Variants in SLC4A10 observed in about 807,000 individuals in gnomAD.
SLC4A10 encodes the protein solute carrier family 4 member 10, also known as sodium-driven chloride bicarbonate exchanger.
In SLC4A10, 42 loss-of-function variants were observed where a neutral mutation model predicts 137.7. The observed-to-expected ratio is 0.30, with a 90% CI of 0.24 to 0.39. The LOEUF is 0.39. SLC4A10 is among the 10% of genes least tolerant of loss of function. SLC4A10 has a pLI of 1.00. For missense variants in SLC4A10, 925 were observed against 1,355.0 expected (o/e 0.68, Z 4.98); for synonymous variants, 474 against 464.1 (o/e 1.02, Z -0.27).
intron 15 of SLC4A10, among the ~76,000 whole-genome samples, chr2:161,927,878 G>T (rs1689473472): frequency 6.6e-6 from 1 of 152,154 alleles, no homozygotes; most frequent in African/African-American, 2.4e-5. Context: ...AACAACAGGT[G>T]CTGGAGAGGA....
At chr2:161,672,409 T>C (rs2039832425) in intron 1 of SLC4A10, among the ~76,000 whole-genome samples, 2 of 152,096 alleles carry the variant, frequency 1.3e-5, no homozygotes, top group Admixed American at 1.3e-4. Flanking sequence ...CCTGACTTTT[T>C]CAAATTAGAG....
intron 3 of SLC4A10, among the ~76,000 whole-genome samples, chr2:161,806,961 G>T (rs1253250393): frequency 6.6e-6 from 1 of 152,170 alleles, no homozygotes; most frequent in East Asian, 1.9e-4. Flanking sequence ...ATTTACAGAA[G>T]AAGGAGGTTT....
chr2:161,871,998 C>G (rs1250054047), intron 6 of SLC4A10, among the ~76,000 whole-genome samples: 1 of 152,078 alleles, frequency 6.6e-6, no homozygotes, highest in East Asian at 1.9e-4. Flanking sequence ...ATCAATGATG[C>G]TTCAAAATCC....
intron 8 of SLC4A10, among the ~76,000 whole-genome samples, chr2:161,877,961 T>C (rs184636588): frequency 4.6e-5 from 7 of 152,268 alleles, no homozygotes; most frequent in Admixed American, 1.3e-4. Context: ...AAAGATTAAT[T>C]AGTTACAAAA....
intron 8 of SLC4A10, 51 bp from the exon 9 acceptor site, chr2:161,879,080 A>T: frequency 6.4e-7 from 1 of 1,566,244 alleles, no homozygotes. Context: ...AATATGATTT[A>T]CCAGATTTTT....
At chr2:161,755,944 T>C (rs2049586239) in intron 1 of SLC4A10, among the ~76,000 whole-genome samples, 1 of 151,980 alleles carries the variant, frequency 6.6e-6, no homozygotes, top group Admixed American at 6.6e-5. Flanking sequence ...TAATTTTTTG[T>C]ATCTTTAGTA....
At chr2:161,966,015 C>A (rs1486024329) in intron 23 of SLC4A10, among the ~76,000 whole-genome samples, 1 of 152,068 alleles carries the variant, frequency 6.6e-6, no homozygotes, top group East Asian at 1.9e-4. Context: ...TACTATTTTT[C>A]TCTATAAGTA....
intron 15 of SLC4A10, among the ~76,000 whole-genome samples, chr2:161,933,374 CTT>C (rs1690965232): frequency 2.1e-5 from 3 of 145,400 alleles, no homozygotes; most frequent in Admixed American, 6.9e-5. Context: ...CTCTTTCTCT[CTT>C]TGTTTCTCCC....
chr2:161,711,082 C>A (rs558357148), intron 1 of SLC4A10, among the ~76,000 whole-genome samples: 3 of 151,754 alleles, frequency 2.0e-5, no homozygotes, highest in Non-Finnish European at 4.4e-5. Flanking sequence ...CATTATGCAT[C>A]CCATAACTTT....
intron 21 of SLC4A10, among the ~76,000 whole-genome samples, chr2:161,960,946 G>A (rs1454084502): frequency 2.0e-5 from 3 of 152,088 alleles, no homozygotes; most frequent in Non-Finnish European, 4.4e-5. Context: ...TAATTTGTTA[G>A]GACAGTCCTA....
At chr2:161,709,062 T>G (rs960736218) in intron 1 of SLC4A10, among the ~76,000 whole-genome samples, 37 of 151,146 alleles carry the variant, frequency 2.4e-4, no homozygotes, top group Non-Finnish European at 1.5e-5. Flanking sequence ...TTTAGCTTTT[T>G]GGGGGAGAGG....
At chr2:161,803,094 C>A (rs2055544664) in intron 2 of SLC4A10, among the ~76,000 whole-genome samples, 1 of 152,056 alleles carries the variant, frequency 6.6e-6, no homozygotes, top group African/African-American at 2.4e-5. Context: ...CCTGATACAA[C>A]ACTCTCCTAT....
intron 2 of SLC4A10, among the ~76,000 whole-genome samples, chr2:161,773,870 CT>C (rs2051987658): frequency 6.6e-6 from 1 of 151,730 alleles, no homozygotes; most frequent in Non-Finnish European, 1.5e-5. Context: ...AGAAAACTAT[CT>C]TACTAGATTC....
intron 23 of SLC4A10, among the ~76,000 whole-genome samples, chr2:161,965,752 A>G (rs1254054745): frequency 1.3e-5 from 2 of 152,122 alleles, no homozygotes; most frequent in African/African-American, 4.8e-5. Flanking sequence ...TATTTATTTT[A>G]TTCTATTTTA....
At chr2:161,857,359 T>C (rs73971392) in intron 5 of SLC4A10, among the ~76,000 whole-genome samples, 4,781 of 152,262 alleles carry the variant, frequency 0.031, 242 homozygotes, top group African/African-American at 0.1. Context: ...TTTCTGACTT[T>C]GAAGTAGCCC....
chr2:161,790,229 G>C (rs773622475), intron 2 of SLC4A10, among the ~76,000 whole-genome samples: 1 of 152,130 alleles, frequency 6.6e-6, no homozygotes, highest in Non-Finnish European at 1.5e-5. Context: ...AAGTTTTATA[G>C]TTAGAAAATT....
chr2:161,745,225 A>G (rs1321480071), intron 1 of SLC4A10, among the ~76,000 whole-genome samples: 3 of 152,094 alleles, frequency 2.0e-5, no homozygotes, highest in Non-Finnish European at 4.4e-5. Context: ...GTCTAGATCC[A>G]GTAGGTGTGC....
At chr2:161,906,645 A>G (rs1020230951) in intron 15 of SLC4A10, among the ~76,000 whole-genome samples, 21 of 152,204 alleles carry the variant, frequency 1.4e-4, no homozygotes, top group Non-Finnish European at 2.2e-4. Flanking sequence ...TTTAGGAGAC[A>G]GTTATAATCT....
chr2:161,717,840 T>G (rs2045111557), intron 1 of SLC4A10, among the ~76,000 whole-genome samples: 1 of 152,184 alleles, frequency 6.6e-6, no homozygotes, highest in South Asian at 2.1e-4. Flanking sequence ...TCCTTTCCAA[T>G]TGTTTGGAAT....
Sources: gnomAD v4.1 joint callset for allele counts (sites outside exome capture counted in the v4.1 genomes callset) on GRCh38, gnomAD v4.1.1 for gene constraint, MANE v1.5 for transcripts, NCBI Gene and HGNC (gene_info 2026-07-23, HGNC 2026-07-21) for gene names.